PRSS1: variants seen among roughly 807,000 people sequenced by gnomAD.
The protein encoded by PRSS1 is serine protease 1, also known as TCR V beta 4.1.
Under a neutral mutation model 24.2 loss-of-function variants are expected in PRSS1, and 22 were observed. That is an observed-to-expected ratio of 0.91 (90% confidence interval 0.65 to 1.30). The LOEUF is 1.30. Among genes scored for constraint, PRSS1 ranks in the 50% most tolerant of loss-of-function variants. The pLI is 0.00. For synonymous variants in PRSS1, 126 were observed against 116.1 expected, an observed-to-expected ratio of 1.08 and a Z score of -0.55; for missense variants, 366 against 304.2, an observed-to-expected ratio of 1.20 and a Z score of -1.51.
chr7:142,752,053 C>T (rs775173769), intron 3 of PRSS1, 26 bp downstream of exon 3: 4 of 1,614,002 alleles, frequency 2.5e-6, no homozygotes, highest in South Asian at 1.1e-5. Flanking sequence ...AGTCCTTCTA[C>T]TTCCCTCCAT....
chr7:142,749,617 G>C (rs576803691), intron 1 of PRSS1, 93 bp downstream of exon 1: 2 of 1,502,142 alleles, frequency 1.3e-6, no homozygotes, highest in African/African-American at 2.8e-5. Flanking sequence ...TCTTTTGACT[G>C]TGCTCTGATA....
At position 142,752,657 on chromosome 7, in the gene PRSS1, C is replaced by A. The variant is rs532181137; in HGVS notation, c.591+90C>A. 166 of 1,595,320 alleles carry A rather than the reference C, an allele frequency of 1.0e-4. 2 individuals are homozygous for A. The East Asian group carries it at 3.7e-3, about 35-fold the overall frequency. Reference sequence around the variant, plus strand: ...GATTTGAACTCAAAAGGTGGTGGGGCTGAGGAGGCTCCCTGCAGTGCCCAC... The same window carrying A: ...GATTTGAACTCAAAAGGTGGTGGGGATGAGGAGGCTCCCTGCAGTGCCCAC... On this transcript the variant is annotated intron_variant, in intron 4 of 4. Coordinates refer to ENST00000311737, the MANE Select transcript of PRSS1 (RefSeq NM_002769.5).
chr7:142,752,463 G>C lies in PRSS1; in HGVS notation c.487G>C (p.Ala163Pro). Residue 163 changes from alanine (A) to proline (P), a missense_variant, in exon 4 of 5, where the codon GCT becomes CCT. By Grantham distance (27) the Ala-to-Pro change is conservative (BLOSUM62 -1). Coordinates refer to ENST00000311737, the MANE Select transcript of PRSS1 (RefSeq NM_002769.5). Reference protein sequence around the residue: ...DYPDELQCLDAPVLSQAKCEA... With the variant: ...DYPDELQCLDPPVLSQAKCEA... Reference sequence around the variant, plus strand: ...CCCAGACGAGCTGCAGTGCCTGGATGCTCCTGTGCTGAGCCAGGCTAAGTG... The same window carrying C: ...CCCAGACGAGCTGCAGTGCCTGGATCCTCCTGTGCTGAGCCAGGCTAAGTG... 1 of 1,614,098 alleles carries C rather than the reference G, an allele frequency of 6.2e-7. No homozygotes were observed. The highest frequency in any genetic ancestry group is 8.5e-7 in the Non-Finnish European group (1 of 1,179,948).
chr7:142,751,248 C>A (rs376995629), intron 2 of PRSS1: 12 of 545,760 alleles, frequency 2.2e-5, no homozygotes, highest in African/African-American at 9.7e-5. Flanking sequence ...AATCACTGGG[C>A]CCCTTCCCCA....
In PRSS1 at chr7:142,752,002, C is replaced by T. The variant is rs745788965; in HGVS notation, c.429C>T (p.Gly143=). ...PATGTKCLIS[G]WGNTASSGAD... ...CTGGCACGAAGTGCCTCATCTCTGG[C>T]TGGGGCAACACTGCGAGCTCTGGCG... is the stretch of plus-strand genomic sequence containing the variant. The change falls in exon 3 of 5, where the codon GGC becomes GGT. Residue 143 remains glycine, a synonymous_variant. Coordinates refer to ENST00000311737, the MANE Select transcript of PRSS1 (RefSeq NM_002769.5). 6.2e-7 allele frequency: 1 copy of T among 1,614,194 alleles called. No individual in the cohort carries two copies. The highest frequency in any genetic ancestry group is 8.5e-7 in the Non-Finnish European group (1 of 1,180,024).
At position 142,751,696 on chromosome 7, in the gene PRSS1, C is replaced by T. The variant is rs557794306; in HGVS notation, c.201-78C>T. On this transcript the variant is annotated intron_variant, in intron 2 of 4. Coordinates refer to ENST00000311737, the MANE Select transcript of PRSS1 (RefSeq NM_002769.5). ...TCCAGAGCTGTCCATGAGCAGAGAG[C>T]TTGAGGAACCTGGGGAAGGTGGGAT... 1.5e-3 allele frequency: 2,314 copies of T among 1,588,090 alleles called. 4 individuals carry two copies. The highest frequency in any genetic ancestry group is 1.9e-3 in the Non-Finnish European group (2,229 of 1,167,382).
At chr7:142,749,667 C>T in intron 1 of PRSS1, 143 bp downstream of exon 1, 3 of 1,134,626 alleles carry the variant, frequency 2.6e-6, no homozygotes, top group Admixed American at 1.8e-5. Context: ...TCCCATCCTC[C>T]TTGGGCTCTT....
chr7:142,750,577 T>A lies in PRSS1; in HGVS notation c.63T>A (p.Asp21Glu). The A allele has an allele frequency of 1.2e-6, 2 of 1,614,026 alleles. No homozygotes were observed. The highest frequency in any genetic ancestry group is 1.7e-6 in the Non-Finnish European group (2 of 1,179,874). ...CAGTTGCTGCCCCCTTTGATGATGA[T>A]GACAAGATCGTTGGGGGCTACAACT... ...AAALAAPFDD[D>E]DKIVGGYNCE... The change falls in exon 2 of 5, where the codon GAT (aspartate) becomes GAA (glutamate). Residue 21 changes from aspartate to glutamate, a missense_variant. Physicochemically the swap from Asp to Glu is conservative, Grantham distance 45 (BLOSUM62 2). Transcript: ENST00000311737.
chr7:142,749,774 AG>A (rs1416627575), intron 1 of PRSS1, among the ~76,000 whole-genome samples: 1 of 152,038 alleles, frequency 6.6e-6, no homozygotes, highest in Non-Finnish European at 1.5e-5. Flanking sequence ...GAAGGGGGCC[AG>A]GTGGGGCTGT....
At position 142,751,219 on chromosome 7, in the gene PRSS1, G is replaced by T. The variant is rs1798694685; in HGVS notation, c.200+505G>T. ...ACCTGAGTATGCATCAGAACGCCCT[G>T]CAGGCTTGTTAAGGCACAAATCACT... On this transcript the variant is annotated intron_variant, in intron 2 of 4. Coordinates refer to ENST00000311737, the MANE Select transcript of PRSS1 (RefSeq NM_002769.5). The T allele has an allele frequency of 6.2e-6, 4 of 642,712 alleles. No individual in the cohort carries two copies. In the East Asian group the frequency reaches 1.1e-4, roughly 17 times the overall value. The allele number at this position is 642,712 out of a possible 1,614,324, so 39.8% of individuals were successfully genotyped here.
At position 142,752,334 on chromosome 7, in the gene PRSS1, G is replaced by A; in HGVS notation, c.455-97G>A. 4.6e-6 allele frequency: 7 copies of A among 1,510,534 alleles called. No individual in the cohort carries two copies. The Admixed American group carries it at 6.7e-5, about 14-fold the overall frequency. 93.6% of individuals were successfully genotyped at this position (1,510,534 alleles called of 1,614,324 possible). A position where few individuals can be genotyped will look rare whatever the true frequency, so the allele number is the denominator to read the frequency against. On this transcript the variant is annotated intron_variant, in intron 3 of 4. Transcript: ENST00000311737. Reference sequence around the variant, plus strand: ...TTATGTTCTGGAGTCCTCTCCAGGGGCTGTGTTCCTCTTCAGTTTTCCATC... The same window carrying A: ...TTATGTTCTGGAGTCCTCTCCAGGGACTGTGTTCCTCTTCAGTTTTCCATC...
chr7:142,752,224 A>G (rs1164290310), intron 3 of PRSS1, among the ~76,000 whole-genome samples, 197 bp downstream of exon 3: 1 of 152,200 alleles, frequency 6.6e-6, no homozygotes, highest in Admixed American at 6.5e-5. Context: ...GACAGGACAA[A>G]TGGAGAACTT....
At chr7:142,752,086 C>A (rs567822113) in intron 3 of PRSS1, 59 bp downstream of exon 3, 75 of 1,610,742 alleles carry the variant, frequency 4.7e-5, no homozygotes, top group Non-Finnish European at 5.9e-5. Flanking sequence ...CAGAACAAAC[C>A]ATGCCCCTTA....
chr7:142,751,358 C>A (rs1483502909), intron 2 of PRSS1: 2 of 585,588 alleles, frequency 3.4e-6, no homozygotes, highest in Non-Finnish European at 6.1e-6. Context: ...TTAGATTACA[C>A]AGAAGGGTGG....
At position 142,750,578 on chromosome 7, in the gene PRSS1, G is replaced by T. The variant is rs1563258794; in HGVS notation, c.64G>T (p.Asp22Tyr). 6.2e-7 allele frequency: 1 copy of T among 1,613,912 alleles called. No homozygotes were observed. The highest frequency in any genetic ancestry group is 1.3e-5 in the African/African-American group (1 of 74,954). ...AGTTGCTGCCCCCTTTGATGATGATGACAAGATCGTTGGGGGCTACAACTG... is the reference window on the plus strand; with the variant it reads ...AGTTGCTGCCCCCTTTGATGATGATTACAAGATCGTTGGGGGCTACAACTG... ...AALAAPFDDDDKIVGGYNCEE... is the reference protein window; with the variant it reads ...AALAAPFDDDYKIVGGYNCEE... Residue 22 changes from aspartate (D) to tyrosine (Y), a missense_variant, in exon 2 of 5, where the codon GAC becomes TAC. Physicochemically the swap from Asp to Tyr is radical, Grantham distance 160. Coordinates refer to ENST00000311737, the MANE Select transcript of PRSS1 (RefSeq NM_002769.5).
rs773357729 is a variant in PRSS1, at chr7:142,749,522, C to T, written c.38C>T (p.Ala13Val). ...CTGATCCTTACCTTTGTGGCAGCTG[C>T]TCGTGAGTATCATGCCCTGCCTCAG... ...PLLILTFVAA[A>V]LAAPFDDDDK... is the part of the protein sequence containing the mutation. The change falls in exon 1 of 5, where the codon GCT becomes GTT. Residue 13 changes from alanine to valine, a missense_variant and splice_region_variant. Transcript: ENST00000311737. 8.1e-6 allele frequency: 13 copies of T among 1,614,036 alleles called. No homozygotes were observed. Among genetic ancestry groups the T allele is most frequent in the Non-Finnish European group, 8.5e-6 (10 of 1,180,026 alleles).
At chr7:142,752,736 C>T (rs1700683046) in intron 4 of PRSS1, 132 bp from the exon 5 acceptor site, 26 of 1,499,534 alleles carry the variant, frequency 1.7e-5, no homozygotes, top group Non-Finnish European at 2.2e-5. Context: ...TTAGGAAGAA[C>T]AGAGAATGGG....
chr7:142,750,776 A>G (rs537305061), intron 2 of PRSS1, 62 bp downstream of exon 2: 1 of 1,610,012 alleles, frequency 6.2e-7, no homozygotes, highest in Admixed American at 1.7e-5. Flanking sequence ...GCTTGGCTTC[A>G]GCCCAGGGAA....
rs369013081 is a variant in PRSS1, at chr7:142,751,984, G to A, written c.411G>A (p.Thr137=). ...SLPTAPPATG[T]KCLISGWGNT... ...CCACCGCCCCTCCAGCCACTGGCAC[G>A]AAGTGCCTCATCTCTGGCTGGGGCA... Residue 137 remains threonine, a synonymous_variant, in exon 3 of 5, where the codon ACG becomes ACA. Transcript: ENST00000311737. 1.2e-5 allele frequency: 19 copies of A among 1,600,880 alleles called. No individual in the cohort carries two copies. The highest frequency in any genetic ancestry group is 2.2e-5 in the South Asian group (2 of 90,822).
Sources: gnomAD v4.1 joint callset for allele counts (sites outside exome capture counted in the v4.1 genomes callset) on GRCh38, gnomAD v4.1.1 for gene constraint, MANE v1.5 for transcripts, NCBI Gene and HGNC (gene_info 2026-07-23, HGNC 2026-07-21) for gene names.